The following SAMD7 variants were observed in gnomAD, a reference collection of about 807,000 sequenced individuals.
The protein encoded by SAMD7 is sterile alpha motif domain-containing protein 7.
A neutral mutation model predicts 36.7 loss-of-function variants in SAMD7; 34 were observed. The ratio of observed to expected loss-of-function variants is 0.93; its 90% confidence interval spans 0.71 to 1.23. The LOEUF (loss-of-function observed/expected upper bound fraction) is 1.23, where lower values mean the gene tolerates loss of function less well. Ranked by LOEUF, SAMD7 falls within the 50% of genes most tolerant of loss-of-function variation. SAMD7 has a pLI of 0.00. For missense variants in SAMD7, 570 were observed against 546.6 expected, an observed-to-expected ratio of 1.04 and a Z score of -0.43; for synonymous variants, 188 against 189.7, an observed-to-expected ratio of 0.99 and a Z score of 0.07.
At chr3:169,928,750 A>G (rs985367483) in intron 7 of SAMD7, among the ~76,000 whole-genome samples, 172 bp downstream of exon 7, 3 of 152,210 alleles carry the variant, frequency 2.0e-5, no homozygotes, top group Non-Finnish European at 4.4e-5. Flanking sequence ...AACTTGGGTC[A>G]TACACCCACA....
At chr3:169,936,547 A>AT in intron 8 of SAMD7, 98 bp downstream of exon 8, 4 of 710,804 alleles carry the variant, frequency 5.6e-6, no homozygotes, top group South Asian at 1.8e-5. Flanking sequence ...ATACTTATTT[A>AT]ACTTCTTTAT....
intron 7 of SAMD7, among the ~76,000 whole-genome samples, chr3:169,929,590 T>C (rs2108263505): frequency 6.6e-6 from 1 of 152,324 alleles, no homozygotes. Context: ...TCCTGGCTTT[T>C]CTATTTTCTG....
intron 2 of SAMD7, among the ~76,000 whole-genome samples, chr3:169,915,829 C>T (rs1157405676): frequency 2.6e-5 from 4 of 151,978 alleles, no homozygotes; most frequent in South Asian, 4.2e-4. Flanking sequence ...CCACCCACCT[C>T]GGCCTCCCAA....
intron 7 of SAMD7, among the ~76,000 whole-genome samples, chr3:169,929,525 A>G (rs1178481906): frequency 6.6e-6 from 1 of 152,174 alleles, no homozygotes; most frequent in South Asian, 2.1e-4. Context: ...CGGAAAAACT[A>G]TATAGAGTAG....
intron 4 of SAMD7, among the ~76,000 whole-genome samples, chr3:169,923,068 T>A (rs1291900920): frequency 1.3e-5 from 2 of 152,204 alleles, no homozygotes; most frequent in Admixed American, 1.3e-4. Context: ...CTCAAACTGG[T>A]GTATCTTCTA....
intron 8 of SAMD7, among the ~76,000 whole-genome samples, chr3:169,937,277 G>T (rs998947056): frequency 7.2e-5 from 11 of 151,832 alleles, no homozygotes; most frequent in African/African-American, 2.7e-4. Context: ...TTTATTTTAA[G>T]TTATGGGGTA....
chr3:169,926,407 C>T (rs1713256779), intron 5 of SAMD7, 146 bp from the exon 6 acceptor site: 3 of 1,166,798 alleles, frequency 2.6e-6, no homozygotes, highest in Non-Finnish European at 2.3e-6. Context: ...CTCTCCTTCC[C>T]AGTGGCTTTG....
At chr3:169,929,592 T>C (rs1440867885) in intron 7 of SAMD7, among the ~76,000 whole-genome samples, 2 of 152,234 alleles carry the variant, frequency 1.3e-5, no homozygotes, top group Non-Finnish European at 2.9e-5. Flanking sequence ...CTGGCTTTTC[T>C]ATTTTCTGGT....
In SAMD7 at chr3:169,938,352, A is replaced by C. The variant is rs1432444589; in HGVS notation, c.1187A>C (p.Lys396Thr). 6.2e-7 allele frequency: 1 copy of C among 1,611,562 alleles called. No homozygotes were observed. The highest frequency in any genetic ancestry group is 1.7e-5 in the Admixed American group (1 of 59,844). ...CATGTGGGAAGTATGTTCTACAAGA[A>C]AACTCTTTCATTTCCTATAAGACAA... Reference protein sequence around the residue: ...SQHVGSMFYKKTLSFPIRQAF... With the variant: ...SQHVGSMFYKTTLSFPIRQAF... The change falls in exon 9 of 9, where the codon AAA becomes ACA. Residue 396 changes from lysine (K) to threonine (T), a missense_variant. Physicochemically the swap from Lys to Thr is moderately conservative, Grantham distance 78. Transcript: ENST00000335556.
chr3:169,912,546 G>A (rs1712644432), intron 1 of SAMD7, among the ~76,000 whole-genome samples: 1 of 152,138 alleles, frequency 6.6e-6, no homozygotes, highest in African/African-American at 2.4e-5. Context: ...GAGTCCAGTA[G>A]AAATTACATA....
At chr3:169,935,836 G>A (rs894136180) in intron 7 of SAMD7, among the ~76,000 whole-genome samples, 9 of 152,124 alleles carry the variant, frequency 5.9e-5, no homozygotes, top group South Asian at 2.1e-4. Context: ...GGAAAGGTCC[G>A]GTAGGGAAAG....
intron 4 of SAMD7, 115 bp downstream of exon 4, chr3:169,921,453 G>A: frequency 2.1e-6 from 2 of 961,044 alleles, no homozygotes; most frequent in South Asian, 3.1e-5. Flanking sequence ...TGTGGTGGTT[G>A]TCTCTGCAGT....
intron 7 of SAMD7, chr3:169,932,823 T>A: frequency 1.7e-6 from 1 of 579,516 alleles, no homozygotes; most frequent in Non-Finnish European, 3.4e-6. Flanking sequence ...CTGTGCCGCC[T>A]GGACACCATT....
intron 7 of SAMD7, among the ~76,000 whole-genome samples, chr3:169,930,370 A>G (rs1713436094): frequency 6.6e-6 from 1 of 152,134 alleles, no homozygotes; most frequent in African/African-American, 2.4e-5. Context: ...TCCAAGTGAC[A>G]GCAGGTGGCA....
intron 2 of SAMD7, 33 bp downstream of exon 2, chr3:169,915,474 T>C (rs1451276394): frequency 6.6e-6 from 1 of 152,002 alleles, no homozygotes; most frequent in East Asian, 1.9e-4. Context: ...GGTGAGTCTC[T>C]AAGCAATTCT....
At chr3:169,932,769 G>T in intron 7 of SAMD7, 1 of 532,634 alleles carries the variant, frequency 1.9e-6, no homozygotes, top group Non-Finnish European at 3.7e-6. Context: ...TATGATGAGC[G>T]CTACTGTGAG....
chr3:169,937,512 G>A (rs1713763267), intron 8 of SAMD7, among the ~76,000 whole-genome samples: 1 of 152,108 alleles, frequency 6.6e-6, no homozygotes, highest in Non-Finnish European at 1.5e-5. Flanking sequence ...TGCGGTGTTT[G>A]GTTTTCTGTT....
At chr3:169,912,392 A>G (rs1030208575) in intron 1 of SAMD7, among the ~76,000 whole-genome samples, 4 of 152,168 alleles carry the variant, frequency 2.6e-5, no homozygotes, top group Admixed American at 2.6e-4. Context: ...TAACTAAAAC[A>G]CCTACTATTC....
intron 7 of SAMD7, chr3:169,932,393 G>A (rs1207069507): frequency 1.2e-5 from 8 of 641,176 alleles, no homozygotes; most frequent in South Asian, 4.2e-5. Flanking sequence ...TAGTATAGCC[G>A]AGACTATGTA....
Sources: allele counts gnomAD v4.1 joint callset (sites outside exome capture counted in the v4.1 genomes callset), GRCh38; gene constraint gnomAD v4.1.1; transcripts MANE v1.5; gene names NCBI Gene and HGNC (gene_info 2026-07-23, HGNC 2026-07-21).